GRID2: variants seen among roughly 807,000 people sequenced by gnomAD.
GRID2 encodes glutamate receptor ionotropic, delta-2.
In GRID2, 33 loss-of-function variants were observed where a neutral mutation model predicts 114.8. The observed-to-expected ratio is 0.29, with a 90% CI of 0.22 to 0.38. The LOEUF (loss-of-function observed/expected upper bound fraction) is 0.38, where lower values mean the gene tolerates loss of function less well. Among genes scored for constraint, GRID2 ranks in the 10% least tolerant of loss-of-function variants. The pLI is 1.00. For synonymous variants in GRID2, 505 were observed against 449.9 expected, an observed-to-expected ratio of 1.12 and a Z score of -1.55; for missense variants, 1,184 against 1,257.7, an observed-to-expected ratio of 0.94 and a Z score of 0.89.
At chr4:92,542,082 A>G (rs1444694693) in intron 1 of GRID2, among the ~76,000 whole-genome samples, 2 of 152,174 alleles carry the variant, frequency 1.3e-5, no homozygotes, top group Admixed American at 6.6e-5. Context: ...TAGGTCAAGA[A>G]TATTTGAAAA....
At chr4:93,526,804 C>T (rs1730953736) in intron 13 of GRID2, among the ~76,000 whole-genome samples, 1 of 152,136 alleles carries the variant, frequency 6.6e-6, no homozygotes, top group Non-Finnish European at 1.5e-5. Context: ...AGTGAAACTC[C>T]ATCTCAAAAA....
intron 2 of GRID2, among the ~76,000 whole-genome samples, chr4:92,759,348 C>A (rs1737876298): frequency 6.6e-6 from 1 of 152,048 alleles, no homozygotes; most frequent in Non-Finnish European, 1.5e-5. Flanking sequence ...TGCTTGGGTC[C>A]TATTTTATAT....
At chr4:93,596,519 G>A (rs183305402) in intron 13 of GRID2, among the ~76,000 whole-genome samples, 20 of 152,186 alleles carry the variant, frequency 1.3e-4, no homozygotes, top group Non-Finnish European at 2.4e-4. Context: ...CGGAGCATGC[G>A]GTGAGCCGAG....
At chr4:93,601,366 G>C (rs937723917) in intron 13 of GRID2, among the ~76,000 whole-genome samples, 1 of 152,104 alleles carries the variant, frequency 6.6e-6, no homozygotes, top group African/African-American at 2.4e-5. Context: ...AAATACATGG[G>C]TGTCCTGGAA....
chr4:92,548,609 G>T (rs1726404924), intron 1 of GRID2, among the ~76,000 whole-genome samples: 1 of 151,436 alleles, frequency 6.6e-6, no homozygotes, highest in Admixed American at 6.6e-5. Flanking sequence ...GGCCAGGCTG[G>T]TCTCGAACTC....
At position 93,110,839 on chromosome 4, in the gene GRID2, G is replaced by T. The variant is rs1305398301; in HGVS notation, c.621G>T (p.Met207Ile). 1 of 1,610,260 alleles carries T rather than the reference G, an allele frequency of 6.2e-7. No individual in the cohort carries two copies. The highest frequency in any genetic ancestry group is 8.5e-7 in the Non-Finnish European group (1 of 1,176,664). The change falls in exon 4 of 16, where the codon ATG becomes ATT. Residue 207 changes from methionine to isoleucine, a missense_variant. Physicochemically the swap from Met to Ile is conservative, Grantham distance 10. This residue lies in a region of GRID2 where 455 missense variants were observed against 429.5 expected (regional missense o/e 1.06). Coordinates refer to ENST00000282020, the MANE Select transcript of GRID2 (RefSeq NM_001510.4). ...AGGTAGAAAACAACATCAATAAAAT[G>T]ATTACCACTCTCTTTGACACCATGA... is the stretch of plus-strand genomic sequence containing the variant. ...LQKVENNINK[M>I]ITTLFDTMRI...
chr4:93,291,062 A>G (rs1345111326), intron 8 of GRID2, among the ~76,000 whole-genome samples: 1 of 151,854 alleles, frequency 6.6e-6, no homozygotes, highest in Non-Finnish European at 1.5e-5. Context: ...TATTTTTAGT[A>G]GATACGGGGT....
At chr4:93,178,096 G>A (rs904468157) in intron 4 of GRID2, among the ~76,000 whole-genome samples, 1 of 148,208 alleles carries the variant, frequency 6.7e-6, no homozygotes, top group Non-Finnish European at 1.5e-5. Flanking sequence ...ATATAAGCTA[G>A]TGAGCAAGTA....
intron 8 of GRID2, among the ~76,000 whole-genome samples, chr4:93,394,504 G>A (rs1334848124): frequency 6.6e-6 from 1 of 151,822 alleles, no homozygotes; most frequent in African/African-American, 2.4e-5. Flanking sequence ...GTTTATTTGT[G>A]GGGGAGACTT....
intron 2 of GRID2, among the ~76,000 whole-genome samples, chr4:92,752,459 CA>C (rs1470240336): frequency 6.6e-6 from 1 of 151,954 alleles, no homozygotes; most frequent in Non-Finnish European, 1.5e-5. Flanking sequence ...GGATTCTTAG[CA>C]AAATAAGAGT....
intron 8 of GRID2, among the ~76,000 whole-genome samples, chr4:93,377,227 T>G (rs2149302309): frequency 6.6e-6 from 1 of 152,252 alleles, no homozygotes; most frequent in African/African-American, 2.4e-5. Flanking sequence ...GTTTATAATT[T>G]TATTCTATTT....
intron 11 of GRID2, among the ~76,000 whole-genome samples, chr4:93,482,840 A>G (rs1168432667): frequency 6.6e-6 from 1 of 152,022 alleles, no homozygotes; most frequent in Non-Finnish European, 1.5e-5. Context: ...GTCATGTTGT[A>G]GAAAATCTAC....
intron 1 of GRID2, among the ~76,000 whole-genome samples, chr4:92,338,062 G>A (rs1222121557): frequency 2.0e-5 from 3 of 152,100 alleles, no homozygotes; most frequent in Non-Finnish European, 4.4e-5. Flanking sequence ...AAAAGAACTA[G>A]GGATGCTGCA....
At chr4:93,532,119 A>G (rs758228071) in intron 13 of GRID2, among the ~76,000 whole-genome samples, 7 of 152,160 alleles carry the variant, frequency 4.6e-5, no homozygotes, top group Non-Finnish European at 4.4e-5. Flanking sequence ...CGTTGCACAT[A>G]ATTTGTAATT....
chr4:92,311,465 TTAAA>T (rs1163372966), intron 1 of GRID2, among the ~76,000 whole-genome samples: 2 of 152,122 alleles, frequency 1.3e-5, no homozygotes, highest in Non-Finnish European at 2.9e-5. Flanking sequence ...ACTTATGGTC[TTAAA>T]TATTCTTAAA....
At chr4:93,310,884 A>T (rs905449022) in intron 8 of GRID2, among the ~76,000 whole-genome samples, 9 of 152,186 alleles carry the variant, frequency 5.9e-5, no homozygotes, top group Non-Finnish European at 1.2e-4. Flanking sequence ...CAGTAGAGTT[A>T]TTTATAGGAT....
intron 1 of GRID2, among the ~76,000 whole-genome samples, chr4:92,445,710 G>A (rs749193376): frequency 7.9e-5 from 12 of 152,174 alleles, no homozygotes; most frequent in African/African-American, 2.9e-4. Context: ...TAGCCCCATC[G>A]TGGTGTGGTT....
At chr4:92,474,303 G>C (rs1722188818) in intron 1 of GRID2, among the ~76,000 whole-genome samples, 4 of 151,862 alleles carry the variant, frequency 2.6e-5, no homozygotes. Context: ...ATTTCTCTTA[G>C]CATAATGTCC....
At chr4:93,662,576 G>T (rs755207636) in intron 14 of GRID2, among the ~76,000 whole-genome samples, 2 of 152,048 alleles carry the variant, frequency 1.3e-5, no homozygotes, top group Non-Finnish European at 2.9e-5. Flanking sequence ...CAAAACTCTT[G>T]ATCAGACTCA....
Sources: gnomAD v4.1 joint callset for allele counts (sites outside exome capture counted in the v4.1 genomes callset) on GRCh38, gnomAD v4.1.1 for gene constraint, gnomAD v4.1.1 regional missense constraint, MANE v1.5 for transcripts, NCBI Gene and HGNC (gene_info 2026-07-23, HGNC 2026-07-21) for gene names.